Variants in SLC13A1 observed in about 807,000 individuals in gnomAD.
The protein encoded by SLC13A1 is solute carrier family 13 member 1, also known as Na(+)/sulfate cotransporter.
In SLC13A1, 65 loss-of-function variants were observed where a neutral mutation model predicts 70.0. The ratio of observed to expected loss-of-function variants is 0.93; its 90% CI spans 0.76 to 1.14. SLC13A1 has a LOEUF of 1.14. Among genes scored for constraint, SLC13A1 ranks in the 50% most tolerant of loss-of-function variants. The probability of loss-of-function intolerance (pLI) is 0.00; values close to 1 mark genes in which losing one functional copy is unlikely to be tolerated. For synonymous variants in SLC13A1, 275 were observed against 250.5 expected, an observed-to-expected ratio of 1.10 and a Z score of -0.92; for missense variants, 726 against 717.8, an observed-to-expected ratio of 1.01 and a Z score of -0.13.
At position 123,115,380 on chromosome 7, in the gene SLC13A1, C is replaced by T. The variant is rs28364226; in HGVS notation, c.*138G>A. The T allele has an allele frequency of 6.1e-4, 480 of 786,908 alleles. 2 individuals carry two copies. The highest frequency in any genetic ancestry group is 5.0e-4 in the Non-Finnish European group (249 of 502,914). 48.7% of individuals were successfully genotyped at this position (786,908 alleles called of 1,614,324 possible). On this transcript the variant is annotated 3_prime_UTR_variant, in exon 15 of 15. Coordinates refer to ENST00000194130, the MANE Select transcript of SLC13A1 (RefSeq NM_022444.4). The stretch of plus-strand genomic sequence containing the variant: ...GACTCTGAGTTATAACAGCAGGTTT[C>T]GGGTATTCACAGGAATTGCAGCAGC...
intron 8 of SLC13A1, among the ~76,000 whole-genome samples, chr7:123,133,181 G>A (rs1423351647): frequency 1.3e-5 from 2 of 152,066 alleles, no homozygotes; most frequent in Admixed American, 6.5e-5. Context: ...GAATGGGTCT[G>A]GACTTGCAAT....
chr7:123,142,697 A>G (rs1378671412), intron 7 of SLC13A1, among the ~76,000 whole-genome samples: 1 of 132,242 alleles, frequency 7.6e-6, no homozygotes, highest in South Asian at 2.4e-4. Context: ...GGCTCACCAC[A>G]ACCTCTGCCT....
chr7:123,162,954 T>G (rs1794961340), intron 6 of SLC13A1, among the ~76,000 whole-genome samples: 1 of 152,144 alleles, frequency 6.6e-6, no homozygotes, highest in African/African-American at 2.4e-5. Context: ...TTATCTCAGA[T>G]TTTTCATTAA....
At chr7:123,132,610 G>T (rs374684356) in intron 8 of SLC13A1, among the ~76,000 whole-genome samples, 1 of 152,126 alleles carries the variant, frequency 6.6e-6, no homozygotes, top group Non-Finnish European at 1.5e-5. Flanking sequence ...GACCTCAGGA[G>T]ATCCACTCCC....
intron 2 of SLC13A1, among the ~76,000 whole-genome samples, chr7:123,177,097 A>G (rs1344665899): frequency 6.6e-6 from 1 of 152,116 alleles, no homozygotes; most frequent in Non-Finnish European, 1.5e-5. Flanking sequence ...TCTGTCCAGC[A>G]CTGAACTCTA....
chr7:123,122,074 G>A (rs555593843), intron 12 of SLC13A1, among the ~76,000 whole-genome samples: 26 of 152,084 alleles, frequency 1.7e-4, no homozygotes, highest in South Asian at 1.2e-3. Context: ...ACACCTTTTC[G>A]TTTCCTCAGA....
chr7:123,191,613 A>C (rs1795999056), intron 1 of SLC13A1, among the ~76,000 whole-genome samples: 1 of 152,212 alleles, frequency 6.6e-6, no homozygotes, highest in Non-Finnish European at 1.5e-5. Context: ...CCAAGTAGAC[A>C]GATAAACCTG....
chr7:123,115,704 A>G, intron 14 of SLC13A1, 49 bp from the exon 15 acceptor site: 2 of 1,599,334 alleles, frequency 1.3e-6, no homozygotes. Context: ...GAAAGCCTAC[A>G]GGAGATTAGA....
intron 6 of SLC13A1, among the ~76,000 whole-genome samples, chr7:123,161,134 A>G (rs1441844808): frequency 6.6e-6 from 1 of 151,668 alleles, no homozygotes; most frequent in African/African-American, 2.4e-5. Flanking sequence ...CAAGACTTGT[A>G]AGACTAATAA....
At chr7:123,129,672 T>G (rs1250489966) in intron 8 of SLC13A1, among the ~76,000 whole-genome samples, 191 bp from the exon 9 acceptor site, 4 of 152,184 alleles carry the variant, frequency 2.6e-5, no homozygotes, top group Non-Finnish European at 5.9e-5. Flanking sequence ...GAATGTTTTC[T>G]GTCTTTTCTG....
rs1278807978 is a variant in SLC13A1, at chr7:123,113,980, TG to T, written c.*1537del. The T allele has an allele frequency of 6.8e-6, 1 of 147,966 alleles. No homozygotes were observed. The highest frequency in any genetic ancestry group is 1.5e-5 in the Non-Finnish European group (1 of 67,556). 9.2% of individuals were successfully genotyped at this position (147,966 alleles called of 1,614,324 possible). A position where few individuals can be genotyped will look rare whatever the true frequency, so the allele number is the denominator to read the frequency against. ...ACGAAGATTAAAAATAGCAAAGGTT[TG>T]GCTGAGGCAGGAGAATGGCGTGAAC... On this transcript the variant is annotated 3_prime_UTR_variant, in exon 15 of 15. Transcript: ENST00000194130.
At chr7:123,156,467 G>T (rs1206215157) in intron 6 of SLC13A1, among the ~76,000 whole-genome samples, 1 of 152,090 alleles carries the variant, frequency 6.6e-6, no homozygotes, top group African/African-American at 2.4e-5. Context: ...GTTGGTAGAT[G>T]ATGTAACTAA....
At chr7:123,124,539 A>G (rs1793496205) in intron 11 of SLC13A1, among the ~76,000 whole-genome samples, 1 of 152,214 alleles carries the variant, frequency 6.6e-6, no homozygotes, top group Non-Finnish European at 1.5e-5. Context: ...CATAAGAACA[A>G]ACAAACAAAA....
intron 1 of SLC13A1, among the ~76,000 whole-genome samples, chr7:123,191,839 T>C (rs1431372870): frequency 6.6e-6 from 1 of 152,176 alleles, no homozygotes; most frequent in African/African-American, 2.4e-5. Context: ...TATCAGAGTA[T>C]ATATTTTTAA....
In SLC13A1 at chr7:123,119,038, T is replaced by C. The variant is rs28364219; in HGVS notation, c.1512+43A>G. Reference sequence around the variant, plus strand: ...AAACCAGCATTCCGAAGCAGAGTACTGCTCTTAATGAAGAGTAAAAAGGGG... The same window carrying C: ...AAACCAGCATTCCGAAGCAGAGTACCGCTCTTAATGAAGAGTAAAAAGGGG... On this transcript the variant is annotated intron_variant, in intron 13 of 14. Transcript: ENST00000194130. 1.0e-5 allele frequency: 16 copies of C among 1,557,208 alleles called. No homozygotes were observed. In the Admixed American group the frequency reaches 2.7e-4, roughly 27 times the overall value.
At chr7:123,148,578 G>A (rs769915998) in intron 6 of SLC13A1, 1 of 372,902 alleles carries the variant, frequency 2.7e-6, no homozygotes, top group East Asian at 9.1e-5. Flanking sequence ...CTCTTCCTGT[G>A]GCGAAATTCA....
At position 123,117,536 on chromosome 7, in the gene SLC13A1, G is replaced by A. The variant is rs1338591596; in HGVS notation, c.1585C>T (p.Leu529=). ...GCATTGGGTGGATTTGCTACTGGTA[G>A]GAGGAATGCAAATGAAGTACACAGA... The part of the protein sequence containing the change: ...STLCTSFAFL[L]PVANPPNAIV... The change falls in exon 14 of 15, where the codon CTA becomes TTA. Residue 529 remains leucine, a synonymous_variant. Coordinates refer to ENST00000194130, the MANE Select transcript of SLC13A1 (RefSeq NM_022444.4). 1.4e-5 allele frequency: 23 copies of A among 1,611,924 alleles called. No homozygotes were observed. The highest frequency in any genetic ancestry group is 2.0e-5 in the Non-Finnish European group (23 of 1,178,256).
chr7:123,179,412 C>T (rs762703213), intron 2 of SLC13A1, among the ~76,000 whole-genome samples: 14 of 152,024 alleles, frequency 9.2e-5, no homozygotes, highest in Non-Finnish European at 1.9e-4. Flanking sequence ...GGATGGGATC[C>T]CTGTTCTGGG....
rs368315066 is a variant in SLC13A1, at chr7:123,180,955, A to T, written c.228+18T>A. The T allele has an allele frequency of 3.1e-6, 5 of 1,599,302 alleles. No individual in the cohort carries two copies. The highest frequency in any genetic ancestry group is 4.3e-6 in the Non-Finnish European group (5 of 1,173,114). On this transcript the variant is annotated intron_variant, in intron 2 of 14. Coordinates refer to ENST00000194130, the MANE Select transcript of SLC13A1 (RefSeq NM_022444.4). ...ACAAAACAGGAAATCAACTTATGACATTGGCAAGAGGACTTACCTTCTTAG... is the reference window on the plus strand; with the variant it reads ...ACAAAACAGGAAATCAACTTATGACTTTGGCAAGAGGACTTACCTTCTTAG...
Sources: allele counts gnomAD v4.1 joint callset (sites outside exome capture counted in the v4.1 genomes callset), GRCh38; gene constraint gnomAD v4.1.1; transcripts MANE v1.5; gene names NCBI Gene and HGNC (gene_info 2026-07-23, HGNC 2026-07-21).